METTL15: variants seen among roughly 807,000 people sequenced by gnomAD.
METTL15 encodes the protein methyltransferase 15, mitochondrial 12S rRNA N4-cytidine.
METTL15 carries 34 observed loss-of-function variants against 38.3 expected under a neutral mutation model. The observed-to-expected ratio is 0.89, with a 90% CI of 0.68 to 1.18. METTL15 has a LOEUF of 1.18. Among genes scored for constraint, METTL15 ranks in the 50% most tolerant of loss-of-function variants. METTL15 has a pLI of 0.00. For synonymous variants in METTL15, 162 were observed against 170.9 expected (o/e 0.95, Z 0.41); for missense variants, 438 against 498.4 (o/e 0.88, Z 1.15).
intron 5 of METTL15, among the ~76,000 whole-genome samples, chr11:28,372,505 A>C (rs1340625432): frequency 1.4e-5 from 2 of 140,704 alleles, no homozygotes; most frequent in Non-Finnish European, 3.0e-5. Flanking sequence ...TGAGTTGCAC[A>C]TCAAGTTCTG....
chr11:28,415,577 C>A (rs1375374640), intron 5 of METTL15, among the ~76,000 whole-genome samples: 1 of 152,144 alleles, frequency 6.6e-6, no homozygotes, highest in African/African-American at 2.4e-5. Flanking sequence ...AGTGTTAGAG[C>A]TAGGTCTCCA....
intron 6 of METTL15, chr11:28,327,854 A>G: frequency 2.7e-6 from 1 of 371,940 alleles, no homozygotes; most frequent in Non-Finnish European, 4.8e-6. Flanking sequence ...TAGTATGCAA[A>G]CATTTATTGA....
chr11:28,384,404 G>T (rs973201166), intron 5 of METTL15, among the ~76,000 whole-genome samples: 1 of 151,822 alleles, frequency 6.6e-6, no homozygotes, highest in Admixed American at 6.6e-5. Flanking sequence ...TGCCTCCCAG[G>T]TTCAAGCGAT....
chr11:28,358,032 A>C (rs114845067), intron 4 of METTL15, among the ~76,000 whole-genome samples: 2,236 of 152,130 alleles, frequency 0.015, 33 homozygotes, highest in African/African-American at 0.041. Flanking sequence ...TGTGGTTATT[A>C]AGATAGAGAG....
At chr11:28,356,948 C>T (rs1324708923) in intron 4 of METTL15, among the ~76,000 whole-genome samples, 1 of 152,132 alleles carries the variant, frequency 6.6e-6, no homozygotes, top group Admixed American at 6.5e-5. Context: ...GTGTGCTGGC[C>T]TCAGGACTCA....
chr11:28,267,160 CAAAAA>C (rs57831121), intron 4 of METTL15, among the ~76,000 whole-genome samples: 1 of 53,758 alleles, frequency 1.9e-5, no homozygotes, highest in African/African-American at 6.6e-5. Context: ...AACTCCATCT[CAAAAA>C]AAAAAAAAAA....
At chr11:28,530,226 AG>A (rs1851836988), downstream of METTL15, among the ~76,000 whole-genome samples, 1 of 152,200 alleles carries the variant, frequency 6.6e-6, no homozygotes, top group African/African-American at 2.4e-5. Flanking sequence ...AGAGACAGAG[AG>A]AGAGAAACCA....
intron 3 of METTL15, among the ~76,000 whole-genome samples, chr11:28,210,307 G>A (rs1348706859): frequency 1.3e-5 from 2 of 151,902 alleles, no homozygotes; most frequent in African/African-American, 2.4e-5. Flanking sequence ...TGATTTACAT[G>A]AGAAATGATA....
At chr11:28,238,049 CAG>C (rs1854095250) in intron 4 of METTL15, among the ~76,000 whole-genome samples, 1 of 152,188 alleles carries the variant, frequency 6.6e-6, no homozygotes, top group Admixed American at 6.5e-5. Flanking sequence ...GCTCGGGGGT[CAG>C]GGGTCAGGGA....
intron 6 of METTL15, among the ~76,000 whole-genome samples, chr11:28,494,087 C>T (rs952670559): frequency 2.6e-5 from 4 of 152,152 alleles, no homozygotes; most frequent in Admixed American, 2.6e-4. Flanking sequence ...TTAGCAAATA[C>T]ACAACATTTA....
At chr11:28,446,059 T>C (rs1302461336) in intron 6 of METTL15, among the ~76,000 whole-genome samples, 1 of 152,166 alleles carries the variant, frequency 6.6e-6, no homozygotes, top group East Asian at 1.9e-4. Flanking sequence ...TTAGACTCTC[T>C]GTCCAGATTG....
intron 4 of METTL15, among the ~76,000 whole-genome samples, chr11:28,271,887 C>T (rs903693490): frequency 2.6e-5 from 4 of 151,888 alleles, no homozygotes; most frequent in South Asian, 2.1e-4. Flanking sequence ...AAAACAACAC[C>T]GTCAAAAAGT....
intron 4 of METTL15, chr11:28,287,156 ATGTGTGTGTGTGTGTGTGTGTG>A (rs150235421): frequency 1.4e-5 from 2 of 140,562 alleles, no homozygotes; most frequent in South Asian, 2.2e-4. Context: ...GAGAGAGACA[ATGTGTGTGTGTGTGTGTGTGTG>A]TGTGTGTGTG....
chr11:28,341,293 T>C (rs1006273580), intron 3 of METTL15, among the ~76,000 whole-genome samples: 2 of 152,204 alleles, frequency 1.3e-5, no homozygotes, highest in Non-Finnish European at 2.9e-5. Flanking sequence ...TCTGCACATG[T>C]ATCTCAAAAC....
chr11:28,486,802 C>G (rs1357478411), intron 6 of METTL15, among the ~76,000 whole-genome samples: 1 of 152,114 alleles, frequency 6.6e-6, no homozygotes, highest in Non-Finnish European at 1.5e-5. Context: ...TCCATTCAGC[C>G]TGGAAGAATG....
At chr11:28,217,518 C>T (rs1852947991) in intron 4 of METTL15, among the ~76,000 whole-genome samples, 1 of 152,074 alleles carries the variant, frequency 6.6e-6, no homozygotes, top group African/African-American at 2.4e-5. Flanking sequence ...TGCCTGTTCA[C>T]TCTGATGGTA....
chr11:28,269,977 T>C (rs542658110), intron 4 of METTL15, among the ~76,000 whole-genome samples: 1 of 152,344 alleles, frequency 6.6e-6, no homozygotes, highest in South Asian at 2.1e-4. Context: ...AAAACATTGC[T>C]AAACTTGTGT....
chr11:28,244,356 A>T (rs1424742721), intron 4 of METTL15, among the ~76,000 whole-genome samples: 1 of 152,126 alleles, frequency 6.6e-6, no homozygotes, highest in Admixed American at 6.5e-5. Context: ...TTTTAACATG[A>T]TATTATGTAG....
chr11:28,426,754 A>T (rs373123716), intron 6 of METTL15, among the ~76,000 whole-genome samples: 1 of 151,310 alleles, frequency 6.6e-6, no homozygotes, highest in Non-Finnish European at 1.5e-5. Flanking sequence ...GTGTCTGTTC[A>T]TGTCCTTTGC....
Sources: gnomAD v4.1 joint callset for allele counts (sites outside exome capture counted in the v4.1 genomes callset) on GRCh38, gnomAD v4.1.1 for gene constraint, MANE v1.5 for transcripts, NCBI Gene and HGNC (gene_info 2026-07-23, HGNC 2026-07-21) for gene names.